Variants in DLEU7 observed in about 807,000 individuals in gnomAD.
The protein encoded by DLEU7 is deleted in lymphocytic leukemia 7, also known as leukemia-associated protein 7.
A neutral mutation model predicts 16.0 loss-of-function variants in DLEU7; 17 were observed. The ratio of observed to expected loss-of-function variants is 1.06; its 90% CI spans 0.73 to 1.59. The LOEUF is 1.59. DLEU7 is among the 40% of genes most tolerant of loss of function. DLEU7 has a pLI of 0.00. For missense variants in DLEU7, 308 were observed against 314.9 expected (o/e 0.98, Z 0.17); for synonymous variants, 113 against 139.8 (o/e 0.81, Z 1.35).
intron 1 of DLEU7, among the ~76,000 whole-genome samples, chr13:50,809,315 C>A (rs1196848802): frequency 6.6e-6 from 1 of 152,102 alleles, no homozygotes; most frequent in East Asian, 1.9e-4. Flanking sequence ...CTGAACATTT[C>A]TTTCCATCTT....
chr13:50,711,030 C>A (rs1270319446), downstream of DLEU7: 1 of 152,106 alleles, frequency 6.6e-6, no homozygotes, highest in Admixed American at 6.5e-5. Context: ...CAGATGTAAC[C>A]ATAAGGAGAA....
chr13:50,755,452 A>G (rs184256361), intron 1 of DLEU7, among the ~76,000 whole-genome samples: 2 of 152,090 alleles, frequency 1.3e-5, no homozygotes, highest in African/African-American at 4.8e-5. Flanking sequence ...TTAAGCTCTG[A>G]ATTTCGTTCT....
chr13:50,780,287 A>G (rs1875617066), intron 1 of DLEU7, among the ~76,000 whole-genome samples: 1 of 152,194 alleles, frequency 6.6e-6, no homozygotes, highest in South Asian at 2.1e-4. Context: ...CATGCCACAG[A>G]TTACTGCTCT....
intron 1 of DLEU7, among the ~76,000 whole-genome samples, chr13:50,806,993 A>C (rs992606084): frequency 2.0e-5 from 3 of 150,706 alleles, no homozygotes; most frequent in Non-Finnish European, 4.4e-5. Flanking sequence ...AAAAAAAAAA[A>C]AAAAAGTCGG....
chr13:50,826,972 A>G (rs1396332372), intron 1 of DLEU7, among the ~76,000 whole-genome samples: 1 of 152,182 alleles, frequency 6.6e-6, no homozygotes, highest in African/African-American at 2.4e-5. Flanking sequence ...CAGAATTACC[A>G]CTAATAGACT....
At chr13:50,735,385 A>G (rs1400903161) in intron 1 of DLEU7, among the ~76,000 whole-genome samples, 1 of 152,182 alleles carries the variant, frequency 6.6e-6, no homozygotes, top group Non-Finnish European at 1.5e-5. Flanking sequence ...AAGGGAGACT[A>G]TATACTTGGC....
intron 1 of DLEU7, among the ~76,000 whole-genome samples, chr13:50,765,126 A>G (rs927382388): frequency 2.0e-5 from 3 of 152,040 alleles, no homozygotes; most frequent in Non-Finnish European, 4.4e-5. Flanking sequence ...CAGGTGATCC[A>G]CCTATCTCAG....
downstream of DLEU7, chr13:50,711,898 T>C (rs1873304831): frequency 6.7e-6 from 1 of 149,734 alleles, no homozygotes; most frequent in African/African-American, 2.5e-5. Flanking sequence ...TTTTTTTTTT[T>C]CTGCGTAAGA....
At chr13:50,824,819 A>T (rs1317283742) in intron 1 of DLEU7, among the ~76,000 whole-genome samples, 2 of 152,246 alleles carry the variant, frequency 1.3e-5, no homozygotes. Flanking sequence ...GCCCTACAAT[A>T]GTATTTGCAT....
At chr13:50,741,489 G>A (rs1874247843) in intron 1 of DLEU7, among the ~76,000 whole-genome samples, 1 of 152,124 alleles carries the variant, frequency 6.6e-6, no homozygotes, top group African/African-American at 2.4e-5. Context: ...TCTGACCAGG[G>A]GAGTTCTTAT....
chr13:50,764,233 C>T (rs1875032579), intron 1 of DLEU7, among the ~76,000 whole-genome samples: 1 of 152,208 alleles, frequency 6.6e-6, no homozygotes, highest in Non-Finnish European at 1.5e-5. Flanking sequence ...AGAGTTAACA[C>T]ATTACAAGTT....
chr13:50,723,046 A>C (rs983247986), intron 1 of DLEU7: 6 of 152,236 alleles, frequency 3.9e-5, no homozygotes, highest in African/African-American at 1.4e-4. Flanking sequence ...GCAATCCCTT[A>C]ATGTTGAACA....
chr13:50,766,697 C>T (rs764864700), intron 1 of DLEU7, among the ~76,000 whole-genome samples: 5 of 152,184 alleles, frequency 3.3e-5, no homozygotes, highest in Non-Finnish European at 7.3e-5. Flanking sequence ...CATGAGAAAT[C>T]CCTGCACAGC....
In DLEU7 at chr13:50,765,690, A is replaced by G. The variant is rs74680233; in HGVS notation, c.460-52450T>C. Among the ~76,000 whole-genome samples, 15 of 152,278 alleles carry G rather than the reference A, an allele frequency of 9.9e-5. No individual in the cohort carries two copies. The East Asian group carries it at 2.7e-3, about 27-fold the overall frequency. The stretch of plus-strand genomic sequence containing the variant: ...ACACCGAGAACACAGATATGTTAAA[A>G]TGACACTAGAATGAAAGTTAAGCTT... On this transcript the variant is annotated intron_variant, in intron 1 of 1. Transcript: ENST00000400393.
At chr13:50,746,268 C>T (rs1003247490) in intron 1 of DLEU7, among the ~76,000 whole-genome samples, 9 of 152,154 alleles carry the variant, frequency 5.9e-5, no homozygotes, top group Non-Finnish European at 2.9e-5. Flanking sequence ...ATTTCATGTC[C>T]ATTAACTCTT....
At chr13:50,795,071 G>A (rs1008235704) in intron 1 of DLEU7, among the ~76,000 whole-genome samples, 3 of 151,578 alleles carry the variant, frequency 2.0e-5, no homozygotes, top group Non-Finnish European at 4.4e-5. Flanking sequence ...CACACAAAAT[G>A]GCCCCAAGGT....
chr13:50,835,728 C>T (rs536986469), intron 1 of DLEU7, among the ~76,000 whole-genome samples: 16 of 152,308 alleles, frequency 1.1e-4, no homozygotes, highest in African/African-American at 2.9e-4. Flanking sequence ...TCGGAAAAAC[C>T]GCCACACTGT....
chr13:50,713,348 A>T, intron 1 of DLEU7: 1 of 1,348,710 alleles, frequency 7.4e-7, no homozygotes, highest in East Asian at 2.5e-5. Flanking sequence ...GAATGGCATT[A>T]GGTACTGGAG....
intron 1 of DLEU7, among the ~76,000 whole-genome samples, chr13:50,828,504 C>T (rs1254742369): frequency 1.3e-5 from 2 of 152,056 alleles, no homozygotes; most frequent in African/African-American, 4.8e-5. Flanking sequence ...GTGAGAAACA[C>T]TTTGACTTAA....
Sources: gnomAD v4.1 joint callset for allele counts (sites outside exome capture counted in the v4.1 genomes callset) on GRCh38, gnomAD v4.1.1 for gene constraint, MANE v1.5 for transcripts, NCBI Gene and HGNC (gene_info 2026-07-23, HGNC 2026-07-21) for gene names.